The following SLC12A1 variants were observed in gnomAD, a reference collection of about 807,000 sequenced individuals.
SLC12A1 encodes solute carrier family 12 member 1.
A neutral mutation model predicts 130.4 loss-of-function variants in SLC12A1; 89 were observed. The observed-to-expected ratio is 0.68, with a 90% CI of 0.58 to 0.81. SLC12A1 has a LOEUF of 0.81. Ranked by LOEUF, SLC12A1 falls within the 40% of genes least tolerant of loss-of-function variation. SLC12A1 has a pLI of 0.00. For missense variants in SLC12A1, 1,310 were observed against 1,336.4 expected, an observed-to-expected ratio of 0.98 and a Z score of 0.31; for synonymous variants, 499 against 460.0, an observed-to-expected ratio of 1.08 and a Z score of -1.09.
At chr15:48,243,275 AT>A (rs746927528) in intron 10 of SLC12A1, among the ~76,000 whole-genome samples, 3 of 152,110 alleles carry the variant, frequency 2.0e-5, no homozygotes, top group Non-Finnish European at 2.9e-5. Context: ...AATTTCAAGC[AT>A]TCAAGCAGAG....
At chr15:48,215,079 A>C (rs915715958) in intron 2 of SLC12A1, among the ~76,000 whole-genome samples, 1 of 152,108 alleles carries the variant, frequency 6.6e-6, no homozygotes. Flanking sequence ...TTGATGATAG[A>C]CATAAAGATG....
At chr15:48,221,069 T>A (rs2141019031) in intron 4 of SLC12A1, 73 bp downstream of exon 4, 4 of 1,298,102 alleles carry the variant, frequency 3.1e-6, no homozygotes, top group Non-Finnish European at 4.5e-6. Flanking sequence ...TTTTCACCAT[T>A]AATACTGAAT....
At position 48,220,929 on chromosome 15, in the gene SLC12A1, C is replaced by T; in HGVS notation, c.561C>T (p.Cys187=). 1 of 1,613,966 alleles carries T rather than the reference C, an allele frequency of 6.2e-7. No individual in the cohort carries two copies. The highest frequency in any genetic ancestry group is 1.1e-5 in the South Asian group (1 of 91,078). The change falls in exon 4 of 27, where the codon TGC becomes TGT. Residue 187 remains cysteine, a synonymous_variant. Coordinates refer to ENST00000380993, the MANE Select transcript of SLC12A1 (RefSeq NM_000338.3). The part of the protein sequence containing the change: ...FGWVKGVLVR[C]MLNIWGVMLF... ...ACCGCTTCTATCCACAGGTAAGATG[C>T]ATGCTGAACATCTGGGGAGTCATGC...
chr15:48,297,669 T>A (rs1597462762), intron 24 of SLC12A1, among the ~76,000 whole-genome samples: 1 of 152,172 alleles, frequency 6.6e-6, no homozygotes, highest in Admixed American at 6.5e-5. Flanking sequence ...GGCTGCTGAG[T>A]AAAGTGAATA....
rs1041538431 is a variant in SLC12A1 at position 48,221,038 on chromosome 15, A to T, written c.628+42A>T. 1.1e-5 allele frequency: 17 copies of T among 1,535,336 alleles called. No homozygotes were observed. In the East Asian group the frequency reaches 3.8e-4, roughly 35 times the overall value. On this transcript the variant is annotated intron_variant, in intron 4 of 26. Coordinates refer to ENST00000380993, the MANE Select transcript of SLC12A1 (RefSeq NM_000338.3). ...TCCTAAATAATTTTGCATGTAAATC[A>T]TAAATTCAATAAGCAATCTTTTTTC...
chr15:48,246,696 G>A (rs952955108), intron 11 of SLC12A1, among the ~76,000 whole-genome samples: 5 of 152,076 alleles, frequency 3.3e-5, no homozygotes, highest in Admixed American at 6.6e-5. Context: ...TACAAGAATC[G>A]CTTGAACCGG....
intron 12 of SLC12A1, 90 bp downstream of exon 12, chr15:48,247,106 AT>A: frequency 9.0e-7 from 1 of 1,108,646 alleles, no homozygotes; most frequent in Non-Finnish European, 1.4e-6. Flanking sequence ...ACTGGCAATC[AT>A]TTTCCATCAT....
Position 48,220,976 on chromosome 15 carries a change from T to C in SLC12A1, c.608T>C (p.Ile203Thr). 1 of 1,613,974 alleles carries C rather than the reference T, an allele frequency of 6.2e-7. No individual in the cohort carries two copies. The highest frequency in any genetic ancestry group is 8.5e-7 in the Non-Finnish European group (1 of 1,179,846). ...ATGCTCTTCATTCGCCTCTCCTGGA[T>C]TGTTGGAGAAGCTGGAATTGGTAAG... ...GVMLFIRLSW[I>T]VGEAGIGLGV... is the part of the protein sequence containing the mutation. The change falls in exon 4 of 27, where the codon ATT becomes ACT. Residue 203 changes from isoleucine to threonine, a missense_variant. Transcript: ENST00000380993.
Position 48,251,628 on chromosome 15 carries a change from G to A in SLC12A1, c.1800G>A (p.Ala600=), listed in dbSNP as rs150580542. Residue 600 remains alanine (A), a synonymous_variant, in exon 15 of 27, where the codon GCG becomes GCA. Transcript: ENST00000380993. ...SYAKSPGWRP[A]YGIYNMWVSL... is the part of the protein sequence containing the mutation. ...TTTTGTTTTCAGGATGGAGACCTGC[G>A]TATGGAATTTACAACATGTGGGTAT... 54 of 1,613,636 alleles carry A rather than the reference G, an allele frequency of 3.3e-5. No individual in the cohort carries two copies. The Admixed American group carries it at 4.8e-4, about 14-fold the overall frequency.
At chr15:48,237,787 G>T in intron 9 of SLC12A1, among the ~76,000 whole-genome samples, 1 of 152,166 alleles carries the variant, frequency 6.6e-6, no homozygotes, top group Non-Finnish European at 1.5e-5. Flanking sequence ...CTCTACGGAG[G>T]TTAGACAAAG....
chr15:48,262,543 C>T (rs1671926367), intron 17 of SLC12A1, among the ~76,000 whole-genome samples: 1 of 152,144 alleles, frequency 6.6e-6, no homozygotes, highest in African/African-American at 2.4e-5. Context: ...CTCCGCAGGC[C>T]TCTTCCTCTC....
intron 23 of SLC12A1, among the ~76,000 whole-genome samples, chr15:48,288,756 C>T (rs554698832): frequency 8.5e-5 from 13 of 152,292 alleles, no homozygotes; most frequent in African/African-American, 3.1e-4. Flanking sequence ...GAAGGTGCCA[C>T]AGAAGCCTCA....
rs1464334864 is a variant in SLC12A1, at chr15:48,285,322, A to G, written c.2629+73A>G. The G allele has an allele frequency of 3.4e-6, 5 of 1,450,160 alleles. No homozygotes were observed. The African/African-American group carries it at 7.0e-5, about 20-fold the overall frequency. 89.8% of individuals were successfully genotyped at this position (1,450,160 alleles called of 1,614,324 possible). On this transcript the variant is annotated intron_variant, in intron 21 of 26. Transcript: ENST00000380993. ...ATTTGAGCATCTATGAAGAGTCCGA[A>G]GTCAGCATCTAAGATGTTGGGAGCA...
chr15:48,280,161 A>C (rs1287192300), intron 20 of SLC12A1, among the ~76,000 whole-genome samples: 1 of 148,816 alleles, frequency 6.7e-6, no homozygotes, highest in Admixed American at 6.6e-5. Context: ...TTTCTAAAAG[A>C]TATCTTAAAA....
At chr15:48,299,073 C>A in intron 24 of SLC12A1, 67 bp from the exon 25 acceptor site, 1 of 1,377,944 alleles carries the variant, frequency 7.3e-7, no homozygotes, top group Admixed American at 2.1e-5. Context: ...CCAGTCACAC[C>A]TGGAGTATCT....
At chr15:48,219,411 CT>C (rs2141015573) in intron 2 of SLC12A1, among the ~76,000 whole-genome samples, 1 of 152,076 alleles carries the variant, frequency 6.6e-6, no homozygotes, top group Non-Finnish European at 1.5e-5. Context: ...CAAAAAGTAC[CT>C]TGGCGTGGTG....
chr15:48,274,672 C>T lies in SLC12A1; in HGVS notation c.2485+19C>T. ...GTGCAAGGTATGTACTTTCTTTATT[C>T]AACCAACAAGTATTTATTGAGCACC... On this transcript the variant is annotated intron_variant, in intron 20 of 26. Coordinates refer to ENST00000380993, the MANE Select transcript of SLC12A1 (RefSeq NM_000338.3). 1.3e-6 allele frequency: 2 copies of T among 1,558,118 alleles called. No homozygotes were observed. The highest frequency in any genetic ancestry group is 1.8e-6 in the Non-Finnish European group (2 of 1,130,704).
At chr15:48,221,039 TA>T in intron 4 of SLC12A1, 43 bp downstream of exon 4, 6 of 1,536,272 alleles carry the variant, frequency 3.9e-6, no homozygotes, top group Non-Finnish European at 4.5e-6. Context: ...ATGTAAATCA[TA>T]AATTCAATAA....
intron 9 of SLC12A1, among the ~76,000 whole-genome samples, chr15:48,238,565 G>A (rs1306471691): frequency 6.6e-6 from 1 of 152,178 alleles, no homozygotes; most frequent in Non-Finnish European, 1.5e-5. Flanking sequence ...AAGTAGTAAC[G>A]TGGTCACAAG....
Sources: allele counts gnomAD v4.1 joint callset (sites outside exome capture counted in the v4.1 genomes callset), GRCh38; gene constraint gnomAD v4.1.1; transcripts MANE v1.5; gene names NCBI Gene and HGNC (gene_info 2026-07-23, HGNC 2026-07-21).